Variants in CCDC15 observed in about 807,000 individuals in gnomAD.
CCDC15 encodes coiled-coil domain containing 15, also known as coiled-coil domain-containing protein 15.
CCDC15 carries 105 observed loss-of-function variants against 114.5 expected under a neutral mutation model. The observed-to-expected ratio is 0.92, with a 90% CI of 0.78 to 1.08. The LOEUF (loss-of-function observed/expected upper bound fraction) is 1.08. Ranked by LOEUF, CCDC15 falls within the 50% of genes least tolerant of loss-of-function variation. CCDC15 has a pLI of 0.00. For missense variants in CCDC15, 1,105 were observed against 1,093.6 expected (o/e 1.01, Z -0.15); for synonymous variants, 334 against 377.8 (o/e 0.88, Z 1.34).
chr11:124,959,444 T>C (rs1947617658), intron 3 of CCDC15, among the ~76,000 whole-genome samples, 180 bp downstream of exon 3: 1 of 152,224 alleles, frequency 6.6e-6, no homozygotes, highest in African/African-American at 2.4e-5. Flanking sequence ...GTGTTCTGAC[T>C]CAATTTTTTG....
rs562721869 is a variant in CCDC15 at position 124,957,659 on chromosome 11, T to A, written c.178-1456T>A. 3.3e-5 allele frequency among the ~76,000 whole-genome samples: 5 copies of A among 152,348 alleles called. No homozygotes were observed. The South Asian group carries it at 6.2e-4, about 19-fold the overall frequency. On this transcript the variant is annotated intron_variant, in intron 2 of 15. Coordinates refer to ENST00000344762, the MANE Select transcript of CCDC15 (RefSeq NM_025004.3). ...GCTGGGTCAGTTGTTCAGGCTTCAT[T>A]ACGTATATATCTCTCCGTTGGAATT...
At position 125,012,059 on chromosome 11, in the gene CCDC15, G is replaced by C. The variant is rs899026922; in HGVS notation, c.2411+6847G>C. ...TGGTCACCCCTTAATGTTCCATTGA[G>C]CCTAGATGCGCATGAGAGGTGCAGC... On this transcript the variant is annotated intron_variant, in intron 13 of 15. Coordinates refer to ENST00000344762, the MANE Select transcript of CCDC15 (RefSeq NM_025004.3). Among the ~76,000 whole-genome samples, 7 of 152,190 alleles carry C rather than the reference G, an allele frequency of 4.6e-5. 1 individual carries two copies. The highest frequency in any genetic ancestry group is 1.5e-5 in the Non-Finnish European group (1 of 68,028).
intron 13 of CCDC15, among the ~76,000 whole-genome samples, chr11:125,029,071 G>T (rs1262696160): frequency 6.6e-6 from 1 of 152,128 alleles, no homozygotes; most frequent in Non-Finnish European, 1.5e-5. Context: ...ATATAGTCTG[G>T]GAGGCTAGGC....
At chr11:125,011,588 T>C (rs1948593926) in intron 13 of CCDC15, among the ~76,000 whole-genome samples, 1 of 152,146 alleles carries the variant, frequency 6.6e-6, no homozygotes, top group Non-Finnish European at 1.5e-5. Context: ...ACTGCTGGTG[T>C]AGTAGCCATG....
At chr11:124,957,062 A>C (rs1401348329) in intron 2 of CCDC15, among the ~76,000 whole-genome samples, 1 of 152,216 alleles carries the variant, frequency 6.6e-6, no homozygotes, top group Non-Finnish European at 1.5e-5. Flanking sequence ...ATTATTTTAT[A>C]ATTTGTTCTG....
Position 125,037,853 on chromosome 11 carries a change from C to T in CCDC15, c.2412-578C>T, listed in dbSNP as rs141905616. On this transcript the variant is annotated intron_variant, in intron 13 of 15. Transcript: ENST00000344762. ...CCTGTTACTCTGTTTTGGTCAGAAG[C>T]AGAATCCCTGTTTACTTGTAGTTTC... is the stretch of plus-strand genomic sequence containing the variant. 3.2e-3 allele frequency among the ~76,000 whole-genome samples: 484 copies of T among 151,904 alleles called. 7 individuals are homozygous for T. The highest frequency in any genetic ancestry group is 0.012 in the East Asian group (64 of 5,174).
At chr11:124,963,369 G>A (rs1459053091) in intron 4 of CCDC15, among the ~76,000 whole-genome samples, 1 of 152,162 alleles carries the variant, frequency 6.6e-6, no homozygotes, top group Admixed American at 6.5e-5. Context: ...TTGTGGTTTT[G>A]ATTTACATTT....
chr11:125,040,003 A>G (rs1565386336), intron 15 of CCDC15, among the ~76,000 whole-genome samples: 1 of 151,432 alleles, frequency 6.6e-6, no homozygotes, highest in Non-Finnish European at 1.5e-5. Flanking sequence ...TTCATTCCCA[A>G]CTTCATTCTA....
At chr11:125,014,485 T>A (rs535335430) in intron 13 of CCDC15, among the ~76,000 whole-genome samples, 1 of 152,288 alleles carries the variant, frequency 6.6e-6, no homozygotes, top group South Asian at 2.1e-4. Flanking sequence ...AATAATTGAT[T>A]AATGTGCTCA....
At chr11:124,963,440 C>T (rs1300496568) in intron 4 of CCDC15, among the ~76,000 whole-genome samples, 1 of 152,172 alleles carries the variant, frequency 6.6e-6, no homozygotes, top group Admixed American at 6.5e-5. Context: ...TAAGTGTCTT[C>T]TTTTGAGAAG....
chr11:125,029,564 C>T (rs939605645), intron 13 of CCDC15, among the ~76,000 whole-genome samples: 13 of 152,158 alleles, frequency 8.5e-5, no homozygotes, highest in African/African-American at 3.1e-4. Flanking sequence ...TATACATGCA[C>T]AAACATGTTT....
intron 6 of CCDC15, 42 bp from the exon 7 acceptor site, chr11:124,986,700 T>TGTGTGTGTGTGTGTGTGA: frequency 1.5e-6 from 2 of 1,351,578 alleles, no homozygotes; most frequent in African/African-American, 1.6e-5. Context: ...TTTGTGTGTG[T>TGTGTGTGTGTGTGTGTGA]GCGCGCGCGC....
chr11:124,965,850 T>C (rs904642793), intron 4 of CCDC15, among the ~76,000 whole-genome samples: 2 of 152,246 alleles, frequency 1.3e-5, no homozygotes, highest in African/African-American at 2.4e-5. Context: ...GTCTCTGTTC[T>C]CATTGGTTTC....
intron 8 of CCDC15, among the ~76,000 whole-genome samples, chr11:124,989,999 G>A (rs1266574068): frequency 1.3e-5 from 2 of 152,140 alleles, no homozygotes; most frequent in African/African-American, 4.8e-5. Flanking sequence ...ATTCACACAG[G>A]GCTGTTTGGT....
chr11:124,994,985 G>T (rs755659278), intron 11 of CCDC15, among the ~76,000 whole-genome samples: 1 of 152,184 alleles, frequency 6.6e-6, no homozygotes, highest in Non-Finnish European at 1.5e-5. Context: ...CAAAGAAGCA[G>T]AAAATAGAGT....
At chr11:124,968,517 C>T (rs891412714) in intron 4 of CCDC15, among the ~76,000 whole-genome samples, 1 of 152,114 alleles carries the variant, frequency 6.6e-6, no homozygotes, top group African/African-American at 2.4e-5. Context: ...TGGAAAAGCG[C>T]AGTATTAGGG....
intron 2 of CCDC15, among the ~76,000 whole-genome samples, chr11:124,955,619 CATG>C (rs1309357139): frequency 1.3e-5 from 2 of 152,130 alleles, no homozygotes; most frequent in African/African-American, 4.8e-5. Flanking sequence ...TATAGACACT[CATG>C]AAGTATTTAT....
chr11:124,987,518 A>G lies in CCDC15; in HGVS notation c.1292A>G (p.His431Arg). ...AACCAGGATGTTTTACTCAAAGACC[A>G]CTGTGTTCTCCCTAAAGACCAGAGT... ...TKNQDVLLKD[H>R]CVLPKDQSIL... The change falls in exon 8 of 16, where the codon CAC becomes CGC. Residue 431 changes from histidine to arginine, a missense_variant. Transcript: ENST00000344762. The G allele has an allele frequency of 6.2e-7, 1 of 1,614,042 alleles. No individual in the cohort carries two copies. Among genetic ancestry groups the G allele is most frequent in the Non-Finnish European group, 8.5e-7 (1 of 1,179,900 alleles).
At chr11:124,955,156 C>T (rs965020046) in intron 2 of CCDC15, among the ~76,000 whole-genome samples, 3 of 152,180 alleles carry the variant, frequency 2.0e-5, no homozygotes, top group African/African-American at 7.2e-5. Flanking sequence ...CTACATGGAA[C>T]AGGTTATATA....
Sources: gnomAD v4.1 joint callset for allele counts (sites outside exome capture counted in the v4.1 genomes callset) on GRCh38, gnomAD v4.1.1 for gene constraint, MANE v1.5 for transcripts, NCBI Gene and HGNC (gene_info 2026-07-23, HGNC 2026-07-21) for gene names.